CNNM2: variants seen among roughly 807,000 people sequenced by gnomAD.
CNNM2 encodes cyclin and CBS domain divalent metal cation transport mediator 2.
In CNNM2, 12 loss-of-function variants were observed where a neutral mutation model predicts 66.9. That is an observed-to-expected ratio of 0.18 (90% CI 0.11 to 0.29). The LOEUF is 0.29. Ranked by LOEUF, CNNM2 falls within the 10% of genes least tolerant of loss-of-function variation. The probability of loss-of-function intolerance (pLI) is 1.00; values close to 1 mark genes in which losing one functional copy is unlikely to be tolerated. For missense variants in CNNM2, 705 were observed against 1,167.7 expected, an observed-to-expected ratio of 0.60 and a Z score of 5.77; for synonymous variants, 557 against 501.8, an observed-to-expected ratio of 1.11 and a Z score of -1.47.
chr10:103,065,816 C>T (rs766091003), intron 4 of CNNM2, among the ~76,000 whole-genome samples: 2 of 152,194 alleles, frequency 1.3e-5, no homozygotes, highest in South Asian at 2.1e-4. Context: ...GAGATGGACA[C>T]GGAATTGGGG....
chr10:102,989,948 C>CTT lies in CNNM2; in HGVS notation c.1622-59746_1622-59745dup, dbSNP rs35468777. On this transcript the variant is annotated intron_variant, in intron 1 of 7. Coordinates refer to ENST00000369878, the MANE Select transcript of CNNM2 (RefSeq NM_017649.5). ...CCTCTTACTTTTCATATCCATTAAA[C>CTT]TTTTTTTTTTTTTTGAGACAGAGTC... Among the ~76,000 whole-genome samples, 12,488 of 142,858 alleles carry CTT rather than the reference C, an allele frequency of 0.087. 732 individuals are homozygous for CTT. The highest frequency in any genetic ancestry group is 0.26 in the East Asian group (1,282 of 4,880). The allele number at this position is 142,858 out of a possible 152,430, so 93.7% of individuals were successfully genotyped here.
chr10:103,076,027 TG>T, intron 6 of CNNM2, 58 bp from the exon 7 acceptor site: 1 of 1,433,772 alleles, frequency 7.0e-7, no homozygotes, highest in Non-Finnish European at 9.5e-7. Context: ...GGAAAATAAC[TG>T]GTTTTATTGG....
At chr10:102,983,348 TTATATATATATTTA>T (rs1304468366) in intron 1 of CNNM2, among the ~76,000 whole-genome samples, 2 of 147,412 alleles carry the variant, frequency 1.4e-5, no homozygotes, top group African/African-American at 2.5e-5. Context: ...TATATATATT[TTATATATATATTTA>T]TATATATAAA....
intron 1 of CNNM2, 48 bp downstream of exon 1, chr10:102,920,149 C>T: frequency 6.2e-7 from 1 of 1,613,840 alleles, no homozygotes; most frequent in Non-Finnish European, 8.5e-7. Flanking sequence ...CTCTCTCCAT[C>T]CTCCTCCCTA....
rs1228307203 is a variant in CNNM2, at chr10:102,918,609, G to T, written c.129G>T (p.Ala43=). 6.4e-7 allele frequency: 1 copy of T among 1,551,588 alleles called. No individual in the cohort carries two copies. Among genetic ancestry groups the T allele is most frequent in the Non-Finnish European group, 8.7e-7 (1 of 1,150,410 alleles). The part of the protein sequence containing the change: ...LSARGRGILQ[A]AAGRLLPLLL... ...CTCGCGGCCGGGGGATCCTGCAGGC[G>T]GCTGCGGGGCGGCTGCTGCCGCTGC... Residue 43 remains alanine (A), a synonymous_variant, in exon 1 of 8, where the codon GCG becomes GCT. Coordinates refer to ENST00000369878, the MANE Select transcript of CNNM2 (RefSeq NM_017649.5). This position sits in a 1 kb window ranked among gnomAD's most constrained non-coding sequence, Gnocchi z 4.1.
In CNNM2 at chr10:102,918,416, G is replaced by T. The variant is rs886046668; in HGVS notation, c.-65G>T. On this transcript the variant is annotated 5_prime_UTR_variant, in exon 1 of 8. Transcript: ENST00000369878. The surrounding 1 kb of genome is among the most constrained non-coding windows in gnomAD (Gnocchi z 4.1). The stretch of plus-strand genomic sequence containing the variant: ...GACGCTCCGTTGCAGTCTCGCCCAG[G>T]GGCCGGTACCTGCGCTCGCGCCGCC... 36 of 1,556,998 alleles carry T rather than the reference G, an allele frequency of 2.3e-5. No homozygotes were observed. Among genetic ancestry groups the T allele is most frequent in the Non-Finnish European group, 3.1e-5 (36 of 1,158,208 alleles).
intron 1 of CNNM2, among the ~76,000 whole-genome samples, chr10:102,944,321 G>T (rs1442710204): frequency 6.6e-6 from 1 of 151,896 alleles, no homozygotes; most frequent in African/African-American, 2.4e-5. Context: ...TCAGGTGATC[G>T]CCTGCCTTGA....
At chr10:103,026,690 G>A (rs2064713734) in intron 1 of CNNM2, among the ~76,000 whole-genome samples, 1 of 151,242 alleles carries the variant, frequency 6.6e-6, no homozygotes, top group South Asian at 2.1e-4. Context: ...AGTTTAGAAT[G>A]CAGAGTACTA....
Position 103,037,703 on chromosome 10 carries a change from A to G in CNNM2, c.1622-12004A>G, listed in dbSNP as rs181410311. On this transcript the variant is annotated intron_variant, in intron 1 of 7. Transcript: ENST00000369878. ...TGGAGAGGGTAGTTTTAGGACAAAT[A>G]TAAAATATCTTTTAGCTCAGAAAGT... Among the ~76,000 whole-genome samples the G allele has an allele frequency of 1.1e-3, 164 of 152,348 alleles. 1 individual carries two copies. The highest frequency in any genetic ancestry group is 1.9e-3 in the Non-Finnish European group (129 of 68,026).
intron 1 of CNNM2, among the ~76,000 whole-genome samples, chr10:103,002,792 A>G (rs2064147731): frequency 6.6e-6 from 1 of 152,070 alleles, no homozygotes; most frequent in Admixed American, 6.6e-5. Flanking sequence ...TGGAATCCTT[A>G]TACATTGGTG....
At chr10:102,995,189 C>CCTT (rs2063972532) in intron 1 of CNNM2, among the ~76,000 whole-genome samples, 4 of 390 alleles carry the variant, frequency 0.01, no homozygotes, top group African/African-American at 0.038. Flanking sequence ...CTCCTCCTCC[C>CCTT]CCTCTTCCTC....
chr10:102,935,082 C>G (rs1564811514), intron 1 of CNNM2, among the ~76,000 whole-genome samples: 3 of 150,470 alleles, frequency 2.0e-5, no homozygotes, highest in Admixed American at 1.3e-4. Context: ...TTGCTTGAAC[C>G]CAGGAGGTGG....
At chr10:102,923,976 C>A (rs1039255206) in intron 1 of CNNM2, among the ~76,000 whole-genome samples, 2 of 152,194 alleles carry the variant, frequency 1.3e-5, no homozygotes. Context: ...ATTTTTGAAT[C>A]TATCTGTATA....
At chr10:102,924,315 G>A (rs866419690) in intron 1 of CNNM2, among the ~76,000 whole-genome samples, 6 of 152,170 alleles carry the variant, frequency 3.9e-5, no homozygotes, top group African/African-American at 1.4e-4. Context: ...TTTGTAACCA[G>A]TTACTGTTTC....
At chr10:102,989,578 G>A (rs921860302) in intron 1 of CNNM2, among the ~76,000 whole-genome samples, 10 of 151,956 alleles carry the variant, frequency 6.6e-5, no homozygotes, top group Non-Finnish European at 1.5e-4. Flanking sequence ...TGAGGCGGGC[G>A]GATCACCTTA....
intron 1 of CNNM2, among the ~76,000 whole-genome samples, chr10:102,981,663 G>C (rs1033450436): frequency 6.6e-6 from 1 of 151,884 alleles, no homozygotes; most frequent in South Asian, 2.1e-4. Context: ...AACGTGCTGG[G>C]ATTATAGGGA....
chr10:102,984,342 G>A (rs2063763169), intron 1 of CNNM2, among the ~76,000 whole-genome samples: 1 of 152,178 alleles, frequency 6.6e-6, no homozygotes, highest in Admixed American at 6.5e-5. Context: ...GTGTTGACAT[G>A]TAGAATAGCC....
At chr10:103,018,153 G>A (rs965426493) in intron 1 of CNNM2, among the ~76,000 whole-genome samples, 2 of 152,158 alleles carry the variant, frequency 1.3e-5, no homozygotes, top group South Asian at 2.1e-4. Context: ...GCAAGGGTGA[G>A]ACAAAGAGAT....
chr10:102,943,955 C>A (rs1335190681), intron 1 of CNNM2, among the ~76,000 whole-genome samples: 3 of 152,092 alleles, frequency 2.0e-5, no homozygotes, highest in African/African-American at 7.2e-5. Flanking sequence ...GACTTCTGAA[C>A]TTCTATACCC....
Sources: allele counts gnomAD v4.1 joint callset (sites outside exome capture counted in the v4.1 genomes callset), GRCh38; gene constraint gnomAD v4.1.1; non-coding constraint Gnocchi (gnomAD v3.1); transcripts MANE v1.5; gene names NCBI Gene and HGNC (gene_info 2026-07-23, HGNC 2026-07-21).